Variants in TMEM178B observed in about 807,000 individuals in gnomAD.
The protein encoded by TMEM178B is transmembrane protein 178B.
In TMEM178B, 5 loss-of-function variants were observed where a neutral mutation model predicts 31.0. The ratio of observed to expected loss-of-function variants is 0.16; its 90% confidence interval spans 0.08 to 0.34. The LOEUF (loss-of-function observed/expected upper bound fraction) is 0.34, where lower values mean the gene tolerates loss of function less well. TMEM178B is among the 10% of genes least tolerant of loss of function. TMEM178B has a pLI of 1.00. For missense variants in TMEM178B, 275 were observed against 400.3 expected (o/e 0.69, Z 2.67); for synonymous variants, 164 against 164.0 (o/e 1.00, Z 0.00).
chr7:141,169,669 A>T (rs1796317745), intron 1 of TMEM178B, among the ~76,000 whole-genome samples: 1 of 152,154 alleles, frequency 6.6e-6, no homozygotes, highest in African/African-American at 2.4e-5. Flanking sequence ...CTTGCAGAAA[A>T]CTCTGGGGAT....
chr7:141,444,728 T>G lies in TMEM178B; in HGVS notation c.634+6983T>G, dbSNP rs188050410. ...GGTCACCTGGCCAGTGAGTGGCAGA[T>G]GAGAGCTGGAGCCCAGCCTGGGACC... On this transcript the variant is annotated intron_variant, in intron 3 of 3. Transcript: ENST00000565468. Among the ~76,000 whole-genome samples the G allele has an allele frequency of 1.3e-3, 202 of 152,230 alleles. 2 individuals carry two copies. The highest frequency in any genetic ancestry group is 4.6e-3 in the African/African-American group (193 of 41,540).
chr7:141,336,521 A>G (rs989531257), intron 2 of TMEM178B, among the ~76,000 whole-genome samples: 2 of 152,010 alleles, frequency 1.3e-5, no homozygotes, highest in African/African-American at 4.8e-5. Flanking sequence ...AAAACTAGTA[A>G]CACCTACCTG....
chr7:141,173,574 C>A (rs1796380927), intron 1 of TMEM178B, among the ~76,000 whole-genome samples: 1 of 152,146 alleles, frequency 6.6e-6, no homozygotes, highest in African/African-American at 2.4e-5. Flanking sequence ...GCAACCCTGA[C>A]AATATATAAA....
At chr7:141,265,747 A>C (rs901223250) in intron 2 of TMEM178B, among the ~76,000 whole-genome samples, 8 of 152,226 alleles carry the variant, frequency 5.3e-5, no homozygotes, top group Admixed American at 1.3e-4. Flanking sequence ...AAAGGCTCCC[A>C]AGTACTTTCA....
At chr7:141,101,908 CGTGTGTGTGTGTGTGT>C (rs3032868) in intron 1 of TMEM178B, among the ~76,000 whole-genome samples, 163 of 142,806 alleles carry the variant, frequency 1.1e-3, no homozygotes, top group Non-Finnish European at 2.0e-3. Context: ...TGTGTGTTAA[CGTGTGTGTGTGTGTGT>C]GTGTGTGTGT....
Position 141,074,212 on chromosome 7 carries a change from C to T in TMEM178B, c.-99C>T. The T allele has an allele frequency of 7.0e-7, 1 of 1,429,072 alleles. No homozygotes were observed. Among genetic ancestry groups the T allele is most frequent in the South Asian group, 1.5e-5 (1 of 67,220 alleles). 88.5% of individuals were successfully genotyped at this position (1,429,072 alleles called of 1,614,324 possible). On this transcript the variant is annotated 5_prime_UTR_variant, in exon 1 of 4. Transcript: ENST00000565468. The surrounding 1 kb of genome is among the most constrained non-coding windows in gnomAD (Gnocchi z 5.1). ...CGCGGCGCGAGTCCCTCTCCTGCCC[C>T]CTCCCCCAGCTCGGCCGCCCGCCGC...
At chr7:141,247,749 A>G (rs1471820532) in intron 2 of TMEM178B, among the ~76,000 whole-genome samples, 1 of 152,224 alleles carries the variant, frequency 6.6e-6, no homozygotes, top group African/African-American at 2.4e-5. Flanking sequence ...TAGGATGCCA[A>G]GTTACATTTG....
chr7:141,509,077 C>T, the TMEM178B span, among the ~76,000 whole-genome samples: 1 of 152,144 alleles, frequency 6.6e-6, no homozygotes, highest in African/African-American at 2.4e-5. Context: ...AACAGTAGAC[C>T]TCAGGAAGAC....
intron 1 of TMEM178B, among the ~76,000 whole-genome samples, chr7:141,110,437 T>C (rs1431084164): frequency 6.6e-6 from 1 of 152,234 alleles, no homozygotes; most frequent in Non-Finnish European, 1.5e-5. Flanking sequence ...ACCACATTAA[T>C]GTATAGAGGC....
chr7:141,337,128 TCACCAC>T (rs1799425264), intron 2 of TMEM178B, among the ~76,000 whole-genome samples: 1 of 30,434 alleles, frequency 3.3e-5, no homozygotes. Context: ...ATCACCACCA[TCACCAC>T]CACCACCATC....
At chr7:141,219,345 A>G (rs1441931559) in intron 2 of TMEM178B, among the ~76,000 whole-genome samples, 1 of 152,156 alleles carries the variant, frequency 6.6e-6, no homozygotes, top group East Asian at 1.9e-4. Flanking sequence ...CATCCCAGAC[A>G]TTAGAAGCTC....
Position 141,432,162 on chromosome 7 carries a change from T to TTTTTTTTTC in TMEM178B, c.497-5438_497-5437insCTTTTTTTT, listed in dbSNP as rs1554487352. On this transcript the variant is annotated intron_variant, in intron 2 of 3. Coordinates refer to ENST00000565468, the MANE Select transcript of TMEM178B (RefSeq NM_001195278.2). ...TCACTGCATCTTTTTTTTTTTTTTT[T>TTTTTTTTTC]TTTTTTTTTTTTGAGACGGAGTCTC... Among the ~76,000 whole-genome samples the TTTTTTTTTC allele has an allele frequency of 2.3e-4, 30 of 128,118 alleles. 1 individual carries two copies. Among genetic ancestry groups the TTTTTTTTTC allele is most frequent in the Non-Finnish European group, 4.3e-4 (26 of 59,870 alleles). The allele number at this position is 128,118 out of a possible 152,430, so 84.1% of individuals were successfully genotyped here. A position where few individuals can be genotyped will look rare whatever the true frequency, so the allele number is the denominator to read the frequency against.
chr7:141,374,209 T>C (rs1800170361), intron 2 of TMEM178B, among the ~76,000 whole-genome samples: 1 of 152,098 alleles, frequency 6.6e-6, no homozygotes, highest in African/African-American at 2.4e-5. Flanking sequence ...CATACAAGCT[T>C]CTTGATTTGA....
At chr7:141,269,312 A>G (rs1798143924) in intron 2 of TMEM178B, among the ~76,000 whole-genome samples, 1 of 151,864 alleles carries the variant, frequency 6.6e-6, no homozygotes, top group Non-Finnish European at 1.5e-5. Context: ...GCTGGTTTTG[A>G]ACTCCTGACC....
chr7:141,123,861 ATCCACC>A (rs1175578186), intron 1 of TMEM178B, among the ~76,000 whole-genome samples: 1 of 151,510 alleles, frequency 6.6e-6, no homozygotes, highest in Non-Finnish European at 1.5e-5. Flanking sequence ...CAAGTGATCC[ATCCACC>A]TCAGCTTCCT....
At chr7:141,130,734 A>G (rs1563095513) in intron 1 of TMEM178B, among the ~76,000 whole-genome samples, 1 of 152,166 alleles carries the variant, frequency 6.6e-6, no homozygotes, top group South Asian at 2.1e-4. Flanking sequence ...ATAATAACTG[A>G]GACTTATTGA....
intron 2 of TMEM178B, among the ~76,000 whole-genome samples, chr7:141,414,075 A>ATTTTT (rs1179943997): frequency 1.7e-5 from 1 of 58,348 alleles, no homozygotes; most frequent in African/African-American, 1.1e-4. Flanking sequence ...CAAAAACATC[A>ATTTTT]TTTTTTTTTT....
chr7:141,312,920 G>C (rs1241223934), intron 2 of TMEM178B, among the ~76,000 whole-genome samples: 1 of 152,130 alleles, frequency 6.6e-6, no homozygotes. Context: ...TTTAAGATAA[G>C]CACCTTAAAG....
intron 2 of TMEM178B, among the ~76,000 whole-genome samples, chr7:141,384,026 G>T (rs1800381609): frequency 1.3e-5 from 2 of 152,202 alleles, no homozygotes; most frequent in Admixed American, 1.3e-4. Flanking sequence ...CTTTTGAGAA[G>T]TGTCTGTTCA....
Sources: allele counts gnomAD v4.1 joint callset (sites outside exome capture counted in the v4.1 genomes callset), GRCh38; gene constraint gnomAD v4.1.1; non-coding constraint Gnocchi (gnomAD v3.1); transcripts MANE v1.5; gene names NCBI Gene and HGNC (gene_info 2026-07-23, HGNC 2026-07-21).